PTGES3L: variants seen among roughly 807,000 people sequenced by gnomAD.
PTGES3L encodes the protein putative protein PTGES3L.
In PTGES3L, 17 loss-of-function variants were observed where a neutral mutation model predicts 25.0. The ratio of observed to expected loss-of-function variants is 0.68; its 90% CI spans 0.47 to 1.02. The LOEUF (loss-of-function observed/expected upper bound fraction) is 1.02. PTGES3L is among the 50% of genes least tolerant of loss of function. PTGES3L has a pLI of 0.00. For synonymous variants in PTGES3L, 59 were observed against 65.7 expected, an observed-to-expected ratio of 0.90 and a Z score of 0.50; for missense variants, 202 against 197.5, an observed-to-expected ratio of 1.02 and a Z score of -0.14.
At chr17:42,973,141 G>C (rs1452519526) in intron 4 of PTGES3L, among the ~76,000 whole-genome samples, 1 of 149,364 alleles carries the variant, frequency 6.7e-6, no homozygotes, top group African/African-American at 2.5e-5. Flanking sequence ...ACCCCATCTG[G>C]GAAGTGAGGA....
chr17:42,971,346 G>A lies in PTGES3L; in HGVS notation c.378+261C>T, dbSNP rs193089982. 5.3e-5 allele frequency among the ~76,000 whole-genome samples: 8 copies of A among 151,924 alleles called. No individual in the cohort carries two copies. In the East Asian group the frequency reaches 5.8e-4, roughly 11 times the overall value. ...AAGAATTACAGAAAAGTGGAAAAACGTTTTGTCAAACTTCTTCAGAATACA... is the reference window on the plus strand; with the variant it reads ...AAGAATTACAGAAAAGTGGAAAAACATTTTGTCAAACTTCTTCAGAATACA... On this transcript the variant is annotated intron_variant, in intron 5 of 6. Coordinates refer to ENST00000591916, the MANE Select transcript of PTGES3L (RefSeq NM_001261430.2).
intron 4 of PTGES3L, 48 bp downstream of exon 4, chr17:42,979,122 A>G: frequency 6.3e-7 from 1 of 1,595,796 alleles, no homozygotes. Flanking sequence ...TCCCAGCTGT[A>G]ACCTGGGTAC....
At chr17:42,971,847 G>A (rs1018284063) in intron 4 of PTGES3L, 151 bp from the exon 5 acceptor site, 9 of 623,486 alleles carry the variant, frequency 1.4e-5, no homozygotes, top group Middle Eastern at 4.3e-4. Flanking sequence ...CCAGGAACCT[G>A]CCAATCTACA....
At chr17:42,974,031 A>T (rs563679029) in intron 4 of PTGES3L, among the ~76,000 whole-genome samples, 27 of 151,974 alleles carry the variant, frequency 1.8e-4, no homozygotes, top group South Asian at 1.4e-3. Flanking sequence ...AAAATAAAAA[A>T]AAATAAAGCA....
chr17:42,979,921 G>C, intron 1 of PTGES3L, 125 bp downstream of exon 1: 1 of 1,451,070 alleles, frequency 6.9e-7, no homozygotes, highest in Non-Finnish European at 9.0e-7. Context: ...TCACCCCACA[G>C]TTACAGAGAC....
intron 4 of PTGES3L, among the ~76,000 whole-genome samples, chr17:42,978,476 T>C (rs929671530): frequency 1.3e-5 from 2 of 152,146 alleles, no homozygotes; most frequent in African/African-American, 2.4e-5. Flanking sequence ...AAGACCATGT[T>C]CATAGCAGTG....
intron 4 of PTGES3L, among the ~76,000 whole-genome samples, chr17:42,977,668 G>GAGA (rs2049982050): frequency 7.1e-6 from 1 of 139,994 alleles, no homozygotes; most frequent in Non-Finnish European, 1.5e-5. Context: ...AGGAAGGGAG[G>GAGA]GAGAGAGAGA....
chr17:42,978,932 G>A lies in PTGES3L; in HGVS notation c.288+238C>T, dbSNP rs866099715. Among the ~76,000 whole-genome samples, 16 of 152,208 alleles carry A rather than the reference G, an allele frequency of 1.1e-4. No individual in the cohort carries two copies. The South Asian group carries it at 2.1e-3, about 20-fold the overall frequency. On this transcript the variant is annotated intron_variant, in intron 4 of 6. Transcript: ENST00000591916. The stretch of plus-strand genomic sequence containing the variant: ...GGAGAATTGCTTGAACCCGGGAGGC[G>A]GAGGCCATGGTGAGCTGAGATCACG...
rs1311981593 is a variant in PTGES3L, at chr17:42,968,828, G to A, written c.*320C>T. 5 of 296,640 alleles carry A rather than the reference G, an allele frequency of 1.7e-5. 1 individual carries two copies. The highest frequency in any genetic ancestry group is 3.1e-5 in the Non-Finnish European group (5 of 161,054). The allele number at this position is 296,640 out of a possible 1,614,324, so 18.4% of individuals were successfully genotyped here. A position where few individuals can be genotyped will look rare whatever the true frequency, so the allele number is the denominator to read the frequency against. ...TTTCTATAATCTGCATTCTTCTTTG[G>A]CTTTTGTTTTGCCACATACACACAC... On this transcript the variant is annotated 3_prime_UTR_variant, in exon 7 of 7. Transcript: ENST00000591916.
intron 4 of PTGES3L, among the ~76,000 whole-genome samples, chr17:42,977,992 C>T (rs955248735): frequency 2.4e-5 from 3 of 124,150 alleles, no homozygotes; most frequent in East Asian, 2.9e-4. Context: ...GCAGGAGAAT[C>T]GCTTGAATCT....
At chr17:42,969,311 C>T in intron 6 of PTGES3L, 125 bp from the exon 7 acceptor site, 1 of 538,746 alleles carries the variant, frequency 1.9e-6, no homozygotes, top group African/African-American at 1.9e-5. Flanking sequence ...CCTAAACCAC[C>T]CAACTTAGGG....
chr17:42,977,415 G>C (rs1329245052), intron 4 of PTGES3L, among the ~76,000 whole-genome samples: 3 of 117,116 alleles, frequency 2.6e-5, no homozygotes, highest in Non-Finnish European at 5.3e-5. Flanking sequence ...GACAGAGTGA[G>C]ACTCTATCTC....
chr17:42,972,330 C>T (rs1435948457), intron 4 of PTGES3L, among the ~76,000 whole-genome samples: 2 of 148,658 alleles, frequency 1.3e-5, no homozygotes, highest in Admixed American at 6.7e-5. Flanking sequence ...TCCCCCTCCC[C>T]CTCCCCCTCC....
At chr17:42,977,939 G>A (rs891525287) in intron 4 of PTGES3L, among the ~76,000 whole-genome samples, 6 of 151,784 alleles carry the variant, frequency 4.0e-5, no homozygotes, top group Non-Finnish European at 7.4e-5. Context: ...TTAGCTGGGT[G>A]TGGTGGCACA....
intron 4 of PTGES3L, 111 bp downstream of exon 4, chr17:42,979,059 T>G (rs2050019974): frequency 3.7e-6 from 4 of 1,073,812 alleles, no homozygotes; most frequent in Non-Finnish European, 5.6e-6. Flanking sequence ...AAAAAAAGAT[T>G]AGGCAGGACT....
chr17:42,979,700 G>C, intron 1 of PTGES3L, 37 bp from the exon 2 acceptor site: 4 of 1,602,802 alleles, frequency 2.5e-6, no homozygotes, highest in Non-Finnish European at 3.4e-6. Flanking sequence ...ATAGGGGTGG[G>C]AGAGGGAAGA....
At chr17:42,979,820 G>A in intron 1 of PTGES3L, 157 bp from the exon 2 acceptor site, 2 of 1,406,566 alleles carry the variant, frequency 1.4e-6, no homozygotes, top group Non-Finnish European at 9.5e-7. Context: ...ACAGGAGTGG[G>A]TGGGTGTGGT....
chr17:42,970,553 T>C (rs972897820), intron 5 of PTGES3L, among the ~76,000 whole-genome samples: 1 of 152,140 alleles, frequency 6.6e-6, no homozygotes, highest in Non-Finnish European at 1.5e-5. Context: ...TCGGCTAGTG[T>C]TTTTATAACT....
intron 4 of PTGES3L, among the ~76,000 whole-genome samples, chr17:42,975,485 G>C (rs1428124729): frequency 6.6e-6 from 1 of 152,150 alleles, no homozygotes; most frequent in Non-Finnish European, 1.5e-5. Flanking sequence ...TTGGGGCAGA[G>C]AGTGTGGGAT....
Sources: allele counts gnomAD v4.1 joint callset (sites outside exome capture counted in the v4.1 genomes callset), GRCh38; gene constraint gnomAD v4.1.1; transcripts MANE v1.5; gene names NCBI Gene and HGNC (gene_info 2026-07-23, HGNC 2026-07-21).